HPN: variants seen among roughly 807,000 people sequenced by gnomAD.
HPN encodes hepsin, also known as serine protease hepsin.
Under a neutral mutation model 55.9 loss-of-function variants are expected in HPN, and 13 were observed. The observed-to-expected ratio is 0.23, with a 90% confidence interval of 0.15 to 0.37. HPN has a LOEUF of 0.37. HPN is among the 10% of genes least tolerant of loss of function. HPN has a pLI of 1.00. For synonymous variants in HPN, 225 were observed against 240.3 expected, an observed-to-expected ratio of 0.94 and a Z score of 0.59; for missense variants, 451 against 575.8, an observed-to-expected ratio of 0.78 and a Z score of 2.22.
At chr19:35,050,634 TCCC>T in intron 4 of HPN, 1 of 778,404 alleles carries the variant, frequency 1.3e-6, no homozygotes, top group Non-Finnish European at 1.8e-6. Flanking sequence ...AAGCTGCCAT[TCCC>T]TGATGCAGGA....
At chr19:35,060,857 G>A in intron 9 of HPN, 40 bp downstream of exon 9, 2 of 1,513,186 alleles carry the variant, frequency 1.3e-6, no homozygotes, top group Non-Finnish European at 1.8e-6. Context: ...GAGGACCCGA[G>A]GCCAGGAGGA....
At chr19:35,048,558 CCTG>C (rs1251234041) in intron 2 of HPN, among the ~76,000 whole-genome samples, 3 of 152,088 alleles carry the variant, frequency 2.0e-5, no homozygotes, top group Non-Finnish European at 2.9e-5. Context: ...TATGATGGCA[CCTG>C]CCTTAGGTTC....
rs780327509 is a variant in HPN, at chr19:35,049,472, C to T, written c.119-3C>T. 2 of 1,611,550 alleles carry T rather than the reference C, an allele frequency of 1.2e-6. No individual in the cohort carries two copies. Among genetic ancestry groups the T allele is most frequent in the South Asian group, 1.1e-5 (1 of 90,776 alleles). ...CCTGCCCTCACCCCTCCCTTCTCTG[C>T]AGTGGCTGTTCTCCTCAGGAGTGAC... On this transcript the variant is annotated splice_polypyrimidine_tract_variant and splice_region_variant and intron_variant, in intron 3 of 12. Coordinates refer to ENST00000672452, the MANE Select transcript of HPN (RefSeq NM_001384133.1).
chr19:35,042,545 C>A (rs368258016), intron 2 of HPN, 23 bp downstream of exon 2: 178 of 1,598,730 alleles, frequency 1.1e-4, no homozygotes, highest in Admixed American at 3.2e-4. Flanking sequence ...CCCTGAGCCC[C>A]AGCTTTGGCT....
At chr19:35,048,699 GC>G (rs1338530340) in intron 2 of HPN, among the ~76,000 whole-genome samples, 1 of 152,208 alleles carries the variant, frequency 6.6e-6, no homozygotes, top group East Asian at 1.9e-4. Flanking sequence ...TTTGAGACCA[GC>G]CTGGGCAACA....
intron 7 of HPN, 46 bp downstream of exon 7, chr19:35,060,215 G>A: frequency 6.2e-7 from 1 of 1,611,806 alleles, no homozygotes; most frequent in African/African-American, 1.3e-5. Context: ...CCCTTGGGGA[G>A]GCCACGTCCC....
intron 4 of HPN, among the ~76,000 whole-genome samples, chr19:35,058,305 G>C (rs542004651): frequency 6.7e-6 from 1 of 149,194 alleles, no homozygotes; most frequent in Admixed American, 6.7e-5. Flanking sequence ...TCAGCCTCCC[G>C]AGTAGCTGGG....
chr19:35,062,605 G>T (rs1217262107), intron 9 of HPN, among the ~76,000 whole-genome samples: 2 of 152,006 alleles, frequency 1.3e-5, no homozygotes, highest in Non-Finnish European at 2.9e-5. Context: ...AGGCTGCAGT[G>T]TAATAATAAT....
chr19:35,061,206 G>C (rs1268414054), intron 9 of HPN, among the ~76,000 whole-genome samples: 1 of 152,156 alleles, frequency 6.6e-6, no homozygotes, highest in Non-Finnish European at 1.5e-5. Context: ...TAAAGAAAAT[G>C]TGGTATATTG....
chr19:35,066,177 T>TG, intron 12 of HPN, 72 bp from the exon 13 acceptor site: 1 of 1,613,752 alleles, frequency 6.2e-7, no homozygotes, highest in Non-Finnish European at 8.5e-7. Context: ...GAAGGGTTCC[T>TG]GGGGAAGGGA....
chr19:35,047,901 A>T (rs562456360), intron 2 of HPN, among the ~76,000 whole-genome samples: 1 of 151,546 alleles, frequency 6.6e-6, no homozygotes, highest in East Asian at 1.9e-4. Context: ...GGAGGCTCAG[A>T]ATTACCTGAG....
rs375721335 is a variant in HPN at position 35,041,824 on chromosome 19, C to G, written c.-103C>G. The G allele has an allele frequency of 2.2e-6, 3 of 1,342,090 alleles. No homozygotes were observed. The highest frequency in any genetic ancestry group is 1.2e-5 in the South Asian group (1 of 86,422). 83.1% of individuals were successfully genotyped at this position (1,342,090 alleles called of 1,614,324 possible). ...TCCTGCCCAGGCCTGGAGACTGACC[C>G]GACCCCGGCACTACCTCGAGGCTCC... On this transcript the variant is annotated 5_prime_UTR_variant, in exon 1 of 13. Coordinates refer to ENST00000672452, the MANE Select transcript of HPN (RefSeq NM_001384133.1).
In HPN at chr19:35,066,457, AC is replaced by A; in HGVS notation, c.*172del. ...AGTGGCGGGCCCACTCAGCCCCGAG[AC>A]CACCCAACCTCACCCTCCTGACCCC... On this transcript the variant is annotated 3_prime_UTR_variant, in exon 13 of 13. Transcript: ENST00000672452. The A allele has an allele frequency of 1.3e-6, 1 of 791,902 alleles. No homozygotes were observed. The highest frequency in any genetic ancestry group is 2.0e-6 in the Non-Finnish European group (1 of 506,902). 49.1% of individuals were successfully genotyped at this position (791,902 alleles called of 1,614,324 possible).
chr19:35,060,248 C>A lies in HPN; in HGVS notation c.454+79C>A. ...CCCCTCAAGCTCCCCAGGATGGGGCCATGTACTTTCAGACCCCCTAGGGCA... is the reference window on the plus strand; with the variant it reads ...CCCCTCAAGCTCCCCAGGATGGGGCAATGTACTTTCAGACCCCCTAGGGCA... On this transcript the variant is annotated intron_variant, in intron 7 of 12. Coordinates refer to ENST00000672452, the MANE Select transcript of HPN (RefSeq NM_001384133.1). The A allele has an allele frequency of 2.5e-6, 4 of 1,605,316 alleles. No individual in the cohort carries two copies. The Admixed American group carries it at 5.0e-5, about 20-fold the overall frequency.
chr19:35,061,118 C>T (rs2064526839), intron 9 of HPN, among the ~76,000 whole-genome samples: 1 of 152,164 alleles, frequency 6.6e-6, no homozygotes, highest in Non-Finnish European at 1.5e-5. Flanking sequence ...AAAACTCGTA[C>T]ATCAGTGTTC....
At chr19:35,049,603 AATGCACAAATGC>A in intron 4 of HPN, 87 bp downstream of exon 4, 1 of 1,130,142 alleles carries the variant, frequency 8.8e-7, no homozygotes, top group Non-Finnish European at 1.3e-6. Flanking sequence ...TTGTTGAATA[AATGCACAAATGC>A]ATGCAGAAAT....
intron 10 of HPN, 84 bp from the exon 11 acceptor site, chr19:35,065,455 C>T: frequency 6.4e-7 from 1 of 1,569,846 alleles, no homozygotes; most frequent in Admixed American, 1.8e-5. Flanking sequence ...AGTAGGGACG[C>T]TGAGGGGAAT....
chr19:35,050,414 G>A lies in HPN; in HGVS notation c.160+898G>A, dbSNP rs150398713. The A allele has an allele frequency of 5.5e-4, 476 of 863,336 alleles. 1 individual carries two copies. The African/African-American group carries it at 0.012, about 22-fold the overall frequency. 53.5% of individuals were successfully genotyped at this position (863,336 alleles called of 1,614,324 possible). The stretch of plus-strand genomic sequence containing the variant: ...TGGGATTACAGGCATGAGCCACTGC[G>A]CCTGTCCCTGGTAATTAGCTCCATT... On this transcript the variant is annotated intron_variant, in intron 4 of 12. Coordinates refer to ENST00000672452, the MANE Select transcript of HPN (RefSeq NM_001384133.1).
At chr19:35,056,838 C>T (rs763506667) in intron 4 of HPN, among the ~76,000 whole-genome samples, 13 of 152,134 alleles carry the variant, frequency 8.5e-5, no homozygotes, top group East Asian at 1.9e-4. Context: ...TGGAGAATTA[C>T]GCACTTTAGC....
Sources: gnomAD v4.1 joint callset for allele counts (sites outside exome capture counted in the v4.1 genomes callset) on GRCh38, gnomAD v4.1.1 for gene constraint, MANE v1.5 for transcripts, NCBI Gene and HGNC (gene_info 2026-07-23, HGNC 2026-07-21) for gene names.